LRRC7: variants seen among roughly 807,000 people sequenced by gnomAD.
The protein encoded by LRRC7 is leucine rich repeat containing 7.
A neutral mutation model predicts 175.7 loss-of-function variants in LRRC7; 23 were observed. The ratio of observed to expected loss-of-function variants is 0.13; its 90% CI spans 0.09 to 0.19. The LOEUF is 0.19. Among genes scored for constraint, LRRC7 ranks in the 10% least tolerant of loss-of-function variants. The probability of loss-of-function intolerance (pLI) is 1.00; values close to 1 mark genes in which losing one functional copy is unlikely to be tolerated. For missense variants in LRRC7, 1,354 were observed against 1,904.7 expected (o/e 0.71, Z 5.38); for synonymous variants, 685 against 680.9 (o/e 1.01, Z -0.09).
chr1:70,125,010 A>T lies in LRRC7; in HGVS notation c.*3123A>T, dbSNP rs997433290. ...TAGTGGACAATTTTTAAAACTATTTACAAGGCTCATAATATTTTGTCATTA... is the reference window on the plus strand; with the variant it reads ...TAGTGGACAATTTTTAAAACTATTTTCAAGGCTCATAATATTTTGTCATTA... On this transcript the variant is annotated 3_prime_UTR_variant, in exon 27 of 27. Coordinates refer to ENST00000651989, the MANE Select transcript of LRRC7 (RefSeq NM_001370785.2). 1.3e-5 allele frequency among the ~76,000 whole-genome samples: 2 copies of T among 152,246 alleles called. No homozygotes were observed. The highest frequency in any genetic ancestry group is 1.3e-4 in the Admixed American group (2 of 15,284).
intron 1 of LRRC7, among the ~76,000 whole-genome samples, chr1:69,618,819 A>G (rs1650091427): frequency 6.6e-6 from 1 of 152,192 alleles, no homozygotes. Context: ...CCAAGTTATC[A>G]CTAGTAATAG....
chr1:69,720,785 G>A (rs1666261383), intron 2 of LRRC7, among the ~76,000 whole-genome samples: 1 of 151,442 alleles, frequency 6.6e-6, no homozygotes, highest in South Asian at 2.1e-4. Context: ...TTGCTCCTTT[G>A]ATGCTTATTG....
At chr1:70,069,973 T>G (rs1185559262) in intron 23 of LRRC7, among the ~76,000 whole-genome samples, 1 of 152,126 alleles carries the variant, frequency 6.6e-6, no homozygotes, top group African/African-American at 2.4e-5. Flanking sequence ...ATCTTCTGTT[T>G]CTTTGCTGAG....
chr1:69,973,923 A>G (rs1652540340), intron 8 of LRRC7, among the ~76,000 whole-genome samples: 1 of 152,188 alleles, frequency 6.6e-6, no homozygotes, highest in Non-Finnish European at 1.5e-5. Flanking sequence ...TTAAAGAGAA[A>G]AAACACTGCA....
chr1:69,665,777 A>T (rs922971703), intron 1 of LRRC7, among the ~76,000 whole-genome samples: 1 of 151,792 alleles, frequency 6.6e-6, no homozygotes, highest in African/African-American at 2.4e-5. Flanking sequence ...AAACAAGGAT[A>T]ATTTGACTTC....
intron 7 of LRRC7, among the ~76,000 whole-genome samples, chr1:69,925,203 A>G (rs994290364): frequency 6.6e-6 from 1 of 152,198 alleles, no homozygotes; most frequent in Non-Finnish European, 1.5e-5. Flanking sequence ...TCGGTTTGCC[A>G]GTATTTTATT....
chr1:69,990,533 T>G (rs2101904639), intron 10 of LRRC7, among the ~76,000 whole-genome samples: 1 of 152,206 alleles, frequency 6.6e-6, no homozygotes, highest in South Asian at 2.1e-4. Context: ...TTAAAATGTT[T>G]AGACAGGATT....
chr1:69,624,067 A>G (rs1651090937), intron 1 of LRRC7, among the ~76,000 whole-genome samples: 1 of 152,128 alleles, frequency 6.6e-6, no homozygotes, highest in African/African-American at 2.4e-5. Context: ...TGGCTGAAAA[A>G]TAAAAAACAT....
At position 69,927,251 on chromosome 1, in the gene LRRC7, C is replaced by A. The variant is rs555724445; in HGVS notation, c.648-4256C>A. ...TGGCTGCCCTTAACATTTTTTCCTT[C>A]ATTTCAACTTTGGTGAATCTGACAA... is the stretch of plus-strand genomic sequence containing the variant. On this transcript the variant is annotated intron_variant, in intron 7 of 26. Transcript: ENST00000651989. 1.4e-3 allele frequency among the ~76,000 whole-genome samples: 211 copies of A among 152,286 alleles called. 2 individuals are homozygous for A. The highest frequency in any genetic ancestry group is 4.9e-3 in the African/African-American group (205 of 41,562).
chr1:70,050,048 G>T (rs927945780), intron 22 of LRRC7, among the ~76,000 whole-genome samples: 1 of 152,006 alleles, frequency 6.6e-6, no homozygotes, highest in Admixed American at 6.6e-5. Flanking sequence ...AATTAGCAAA[G>T]CTGCTGTACC....
chr1:69,770,827 T>G (rs927083197), intron 3 of LRRC7, among the ~76,000 whole-genome samples: 2 of 152,168 alleles, frequency 1.3e-5, no homozygotes, highest in African/African-American at 4.8e-5. Context: ...ATCCTGGGTT[T>G]GAATAAAGGT....
At chr1:70,042,192 G>C (rs1300099968) in intron 21 of LRRC7, among the ~76,000 whole-genome samples, 5 of 152,156 alleles carry the variant, frequency 3.3e-5, no homozygotes, top group African/African-American at 1.2e-4. Context: ...GAGTTACTGA[G>C]CTATTCAGGC....
At chr1:70,118,494 A>T (rs1356110854) in intron 26 of LRRC7, among the ~76,000 whole-genome samples, 1 of 152,206 alleles carries the variant, frequency 6.6e-6, no homozygotes, top group African/African-American at 2.4e-5. Context: ...GAGCAGAATT[A>T]TCTTTGGAGG....
At chr1:69,906,234 CTTT>C (rs1646305860) in intron 7 of LRRC7, among the ~76,000 whole-genome samples, 2 of 152,092 alleles carry the variant, frequency 1.3e-5, no homozygotes, top group African/African-American at 4.8e-5. Flanking sequence ...ATGGTAGTTT[CTTT>C]TGCTGTGCAG....
intron 9 of LRRC7, among the ~76,000 whole-genome samples, 184 bp from the exon 10 acceptor site, chr1:69,986,058 G>A (rs1308349334): frequency 6.6e-6 from 1 of 152,094 alleles, no homozygotes; most frequent in East Asian, 1.9e-4. Context: ...TCTTCAAAGT[G>A]GCTATACCAT....
intron 6 of LRRC7, 67 bp downstream of exon 6, chr1:69,834,936 T>C: frequency 8.6e-7 from 1 of 1,162,840 alleles, no homozygotes; most frequent in Non-Finnish European, 1.3e-6. Context: ...CCAGTGCCAG[T>C]TGATGAGACT....
intron 4 of LRRC7, among the ~76,000 whole-genome samples, chr1:69,793,828 T>C (rs1675406636): frequency 6.6e-6 from 1 of 152,150 alleles, no homozygotes; most frequent in Admixed American, 6.5e-5. Context: ...ATTCAATGAA[T>C]TCATAAATGA....
At chr1:69,838,410 C>A in intron 7 of LRRC7, 127 bp downstream of exon 7, 1 of 699,186 alleles carries the variant, frequency 1.4e-6, no homozygotes, top group Non-Finnish European at 2.5e-6. Context: ...TTCCTAAAGG[C>A]CAAAAAGTAT....
intron 2 of LRRC7, among the ~76,000 whole-genome samples, chr1:69,682,582 G>A (rs752783320): frequency 3.3e-5 from 5 of 152,212 alleles, no homozygotes; most frequent in South Asian, 2.1e-4. Context: ...AAACCCAATT[G>A]ATGTTATATC....
Sources: allele counts gnomAD v4.1 joint callset (sites outside exome capture counted in the v4.1 genomes callset), GRCh38; gene constraint gnomAD v4.1.1; transcripts MANE v1.5; gene names NCBI Gene and HGNC (gene_info 2026-07-23, HGNC 2026-07-21).